The following PDGFB variants were observed in gnomAD, a reference collection of about 807,000 sequenced individuals.
PDGFB encodes the protein platelet derived growth factor subunit B.
In PDGFB, 6 loss-of-function variants were observed where a neutral mutation model predicts 29.0. The ratio of observed to expected loss-of-function variants is 0.21; its 90% CI spans 0.11 to 0.41. The LOEUF (loss-of-function observed/expected upper bound fraction) is 0.41. Ranked by LOEUF, PDGFB falls within the 10% of genes least tolerant of loss-of-function variation. PDGFB has a pLI of 1.00. For missense variants in PDGFB, 299 were observed against 341.8 expected (o/e 0.87, Z 0.99); for synonymous variants, 144 against 140.8 (o/e 1.02, Z -0.16).
chr22:39,226,052 G>A (rs1180110832), intron 5 of PDGFB, among the ~76,000 whole-genome samples: 2 of 152,182 alleles, frequency 1.3e-5, no homozygotes, highest in Admixed American at 6.5e-5. Context: ...CTGAGCCTTG[G>A]CGCCTCCATC....
intron 5 of PDGFB, among the ~76,000 whole-genome samples, chr22:39,229,565 G>A (rs932004788): frequency 2.6e-5 from 4 of 152,140 alleles, no homozygotes; most frequent in East Asian, 1.9e-4. Context: ...GTTGATGTGC[G>A]CGGAGCTTTC....
intron 2 of PDGFB, among the ~76,000 whole-genome samples, chr22:39,235,226 A>G (rs1442987403): frequency 6.6e-6 from 1 of 152,190 alleles, no homozygotes. Context: ...AACAGGCCAG[A>G]GGTTAGAATA....
chr22:39,243,298 C>G lies in PDGFB; in HGVS notation c.63+603G>C, dbSNP rs1418875272. 1.3e-5 allele frequency among the ~76,000 whole-genome samples: 2 copies of G among 151,810 alleles called. No homozygotes were observed. Among genetic ancestry groups the G allele is most frequent in the Non-Finnish European group, 2.9e-5 (2 of 67,982 alleles). Reference sequence around the variant, plus strand: ...TTTCTCTCTCTCTCTCTCTCTCTCCCTGTTACTCCCACCCCAAACCCCGCG... The same window carrying G: ...TTTCTCTCTCTCTCTCTCTCTCTCCGTGTTACTCCCACCCCAAACCCCGCG... On this transcript the variant is annotated intron_variant, in intron 1 of 6. Transcript: ENST00000331163. This position sits in a 1 kb window ranked among gnomAD's most constrained non-coding sequence, Gnocchi z 6.4.
At chr22:39,230,670 C>T (rs1260374707) in intron 4 of PDGFB, among the ~76,000 whole-genome samples, 2 of 152,154 alleles carry the variant, frequency 1.3e-5, no homozygotes, top group East Asian at 1.9e-4. Flanking sequence ...CTGGAAGCAT[C>T]GAGGACAGGA....
intron 1 of PDGFB, 85 bp from the exon 2 acceptor site, chr22:39,235,959 C>A: frequency 1.1e-6 from 1 of 901,474 alleles, no homozygotes; most frequent in Non-Finnish European, 1.8e-6. Context: ...CGCTTTCTCG[C>A]TTTCTCCTGT....
intron 1 of PDGFB, among the ~76,000 whole-genome samples, chr22:39,239,048 G>A (rs181947748): frequency 1.1e-4 from 16 of 152,364 alleles, no homozygotes; most frequent in South Asian, 4.1e-4. Flanking sequence ...CTAAAACCTC[G>A]GCTTCTGCAT....
At position 39,223,527 on chromosome 22, in the gene PDGFB, GTA is replaced by G. The variant is rs572598972; in HGVS notation, c.*1813_*1814del. The stretch of plus-strand genomic sequence containing the variant: ...TGTATGTGCACGCATGTGTGAGCAT[GTA>G]TGTGTGTGTGTGTGTATGTGCACGC... On this transcript the variant is annotated 3_prime_UTR_variant, in exon 7 of 7. Transcript: ENST00000331163. The G allele has an allele frequency of 2.6e-5, 4 of 152,640 alleles. No individual in the cohort carries two copies. The highest frequency in any genetic ancestry group is 2.0e-4 in the Admixed American group (3 of 15,288). 9.5% of individuals were successfully genotyped at this position (152,640 alleles called of 1,614,324 possible).
chr22:39,239,182 C>T (rs199698397), intron 1 of PDGFB, among the ~76,000 whole-genome samples: 1 of 152,210 alleles, frequency 6.6e-6, no homozygotes, highest in Non-Finnish European at 1.5e-5. Flanking sequence ...TAATTCTTTC[C>T]GGATGGCTCC....
At position 39,244,056 on chromosome 22, in the gene PDGFB, G is replaced by GGGCC; in HGVS notation, c.-94_-93insGGCC. ...GGTGGGGGGCTGGGGAGGGGGGTGG[G>GGGCC]CTCGGCTCGGGTCCGCGGCGATCAG... On this transcript the variant is annotated 5_prime_UTR_variant, in exon 1 of 7. Transcript: ENST00000331163. This position sits in a 1 kb window ranked among gnomAD's most constrained non-coding sequence, Gnocchi z 4.5. 1 of 261,516 alleles carries GGGCC rather than the reference G, an allele frequency of 3.8e-6. No homozygotes were observed. Among genetic ancestry groups the GGGCC allele is most frequent in the Non-Finnish European group, 7.9e-6 (1 of 127,010 alleles). 16.2% of individuals were successfully genotyped at this position (261,516 alleles called of 1,614,324 possible).
chr22:39,231,561 C>A lies in PDGFB; in HGVS notation c.456+61G>T. ...AGGAAGCCTGGTCAGGTATGAGCCC[C>A]AGAAGGGTGGTCTCCACCCACCACC... is the stretch of plus-strand genomic sequence containing the variant. On this transcript the variant is annotated intron_variant, in intron 4 of 6. Coordinates refer to ENST00000331163, the MANE Select transcript of PDGFB (RefSeq NM_002608.4). This position sits in a 1 kb window ranked among gnomAD's most constrained non-coding sequence, Gnocchi z 4.3. 2.4e-6 allele frequency: 3 copies of A among 1,272,002 alleles called. No homozygotes were observed. The highest frequency in any genetic ancestry group is 3.2e-6 in the Non-Finnish European group (3 of 924,364). The allele number at this position is 1,272,002 out of a possible 1,614,324, so 78.8% of individuals were successfully genotyped here.
chr22:39,236,719 G>A (rs756042443), intron 1 of PDGFB, among the ~76,000 whole-genome samples: 4 of 152,198 alleles, frequency 2.6e-5, no homozygotes, highest in South Asian at 2.1e-4. Flanking sequence ...CCCAAGGGGC[G>A]GATGCCAGAG....
At chr22:39,238,049 A>G (rs989699205) in intron 1 of PDGFB, among the ~76,000 whole-genome samples, 19 of 152,312 alleles carry the variant, frequency 1.2e-4, no homozygotes, top group East Asian at 7.7e-4. Context: ...CTCCCTGCCC[A>G]CTGGAGAGCC....
Position 39,235,833 on chromosome 22 carries a change from G to A in PDGFB, c.105C>T (p.Asp35=). Residue 35 remains aspartate, a synonymous_variant, in exon 2 of 7, where the codon GAC becomes GAT. Transcript: ENST00000331163. ...GATCATCAAAGGAGCGGATCGAGTG[G>A]TCACTCAGCATCTCATAAAGCTCCT... ...IPEELYEMLS[D]HSIRSFDDLQ... is the part of the protein sequence containing the mutation. 6.2e-7 allele frequency: 1 copy of A among 1,613,964 alleles called. No individual in the cohort carries two copies. Among genetic ancestry groups the A allele is most frequent in the Non-Finnish European group, 8.5e-7 (1 of 1,179,948 alleles).
At chr22:39,240,939 ACACTCTCT>A (rs755618509) in intron 1 of PDGFB, 129 of 1,101,720 alleles carry the variant, frequency 1.2e-4, no homozygotes, top group Middle Eastern at 4.8e-4. Flanking sequence ...ACACACACAC[ACACTCTCT>A]CTCTCTCTCT....
chr22:39,233,940 G>A (rs1366166202), intron 2 of PDGFB, among the ~76,000 whole-genome samples: 1 of 149,378 alleles, frequency 6.7e-6, no homozygotes, highest in Non-Finnish European at 1.5e-5. Context: ...AGAAGCCCCA[G>A]GGGGACCGCA....
rs778280998 is a variant in PDGFB at position 39,235,869 on chromosome 22, G to A, written c.69C>T (p.Asp23=). The A allele has an allele frequency of 6.2e-7, 1 of 1,612,776 alleles. No homozygotes were observed. The highest frequency in any genetic ancestry group is 2.2e-5 in the East Asian group (1 of 44,878). The change falls in exon 2 of 7, where the codon GAC becomes GAT. Residue 23 remains aspartate, a synonymous_variant. Transcript: ENST00000331163. ...CYLRLVSAEG[D]PIPEELYEML... ...TCTCATAAAGCTCCTCGGGAATGGG[G>A]TCCCCCTGCCGGGCAGACACCAAAA...
intron 1 of PDGFB, among the ~76,000 whole-genome samples, chr22:39,240,551 G>T (rs1932543200): frequency 6.6e-6 from 1 of 152,004 alleles, no homozygotes; most frequent in African/African-American, 2.4e-5. Flanking sequence ...TGAAAAGGGG[G>T]GCTGCCCTCG....
In PDGFB at chr22:39,244,001, G is replaced by A. The variant is rs1487395396; in HGVS notation, c.-38C>T. 4 of 1,261,154 alleles carry A rather than the reference G, an allele frequency of 3.2e-6. No individual in the cohort carries two copies. The highest frequency in any genetic ancestry group is 4.9e-5 in the East Asian group (1 of 20,314). The allele number at this position is 1,261,154 out of a possible 1,614,324, so 78.1% of individuals were successfully genotyped here. Reference sequence around the variant, plus strand: ...CCCGGCCCCGCGGGGCCCCGGACGCGTAGATCGAGCGCGCCGCCCCCGCGG... The same window carrying A: ...CCCGGCCCCGCGGGGCCCCGGACGCATAGATCGAGCGCGCCGCCCCCGCGG... On this transcript the variant is annotated 5_prime_UTR_variant, in exon 1 of 7. The change creates a new upstream start codon in the 5' untranslated region. Transcript: ENST00000331163. This position sits in a 1 kb window ranked among gnomAD's most constrained non-coding sequence, Gnocchi z 4.5.
chr22:39,236,803 G>C (rs1310608726), intron 1 of PDGFB, among the ~76,000 whole-genome samples: 1 of 152,200 alleles, frequency 6.6e-6, no homozygotes, highest in African/African-American at 2.4e-5. Context: ...GAGAAGCAAA[G>C]AAAATTCCTA....
Sources: allele counts gnomAD v4.1 joint callset (sites outside exome capture counted in the v4.1 genomes callset), GRCh38; gene constraint gnomAD v4.1.1; non-coding constraint Gnocchi (gnomAD v3.1); transcripts MANE v1.5; gene names NCBI Gene and HGNC (gene_info 2026-07-23, HGNC 2026-07-21).